The following HHIPL1 variants were observed in gnomAD, a reference collection of about 807,000 sequenced individuals.
HHIPL1 encodes HHIP-like protein 1.
HHIPL1 carries 43 observed loss-of-function variants against 61.8 expected under a neutral mutation model. The ratio of observed to expected loss-of-function variants is 0.70; its 90% CI spans 0.55 to 0.90. The LOEUF is 0.90. Among genes scored for constraint, HHIPL1 ranks in the 40% least tolerant of loss-of-function variants. HHIPL1 has a pLI of 0.00. For synonymous variants in HHIPL1, 482 were observed against 515.8 expected, an observed-to-expected ratio of 0.93 and a Z score of 0.89; for missense variants, 1,056 against 1,157.7, an observed-to-expected ratio of 0.91 and a Z score of 1.28.
chr14:99,614,664 G>A, the HHIPL1 span, among the ~76,000 whole-genome samples: 3 of 152,160 alleles, frequency 2.0e-5, no homozygotes, highest in African/African-American at 4.8e-5. Context: ...CACTCCCATT[G>A]CTGTGGGGTA....
chr14:99,658,376 G>C (rs1299200748), intron 3 of HHIPL1, among the ~76,000 whole-genome samples: 1 of 152,178 alleles, frequency 6.6e-6, no homozygotes, highest in East Asian at 1.9e-4. Flanking sequence ...AGGAATTTAC[G>C]GGGGAAAGTA....
At chr14:99,671,890 AGAGAGACCCTCCTCAAAG>A (rs2056329921) in intron 7 of HHIPL1, among the ~76,000 whole-genome samples, 1 of 152,160 alleles carries the variant, frequency 6.6e-6, no homozygotes, top group Non-Finnish European at 1.5e-5. Flanking sequence ...AGAGGGGCAG[AGAGAGACCCTCCTCAAAG>A]GCTGTAGGGC....
At chr14:99,655,420 G>A (rs112291090) in intron 2 of HHIPL1, among the ~76,000 whole-genome samples, 69 of 152,242 alleles carry the variant, frequency 4.5e-4, no homozygotes, top group African/African-American at 1.7e-3. Flanking sequence ...ACAGGAGTTC[G>A]AGACCAGCCT....
intron 1 of HHIPL1, among the ~76,000 whole-genome samples, chr14:99,646,904 C>G (rs1566804912): frequency 6.6e-6 from 1 of 151,184 alleles, no homozygotes; most frequent in Non-Finnish European, 1.5e-5. Flanking sequence ...AAACCTTAAC[C>G]ACCCCCCTGG....
upstream of HHIPL1, among the ~76,000 whole-genome samples, chr14:99,640,695 A>G (rs2055738930): frequency 6.6e-6 from 1 of 152,128 alleles, no homozygotes; most frequent in African/African-American, 2.4e-5. Context: ...ACCTTCAAAT[A>G]ACACTATACC....
At chr14:99,636,666 G>A in the HHIPL1 span, among the ~76,000 whole-genome samples, 3 of 152,050 alleles carry the variant, frequency 2.0e-5, no homozygotes, top group South Asian at 6.2e-4. Context: ...ACCAGATGGA[G>A]GGGAAAGAAG....
Position 99,675,285 on chromosome 14 carries a change from G to A in HHIPL1, c.2008G>A (p.Asp670Asn). Residue 670 changes from aspartate to asparagine, a missense_variant, in exon 9 of 9, where the codon GAT (aspartate) becomes AAT (asparagine). Physicochemically the swap from Asp to Asn is conservative, Grantham distance 23. Coordinates refer to ENST00000330710, the MANE Select transcript of HHIPL1 (RefSeq NM_001127258.3). This position sits in a 1 kb window ranked among gnomAD's most constrained non-coding sequence, Gnocchi z 5.4. The stretch of plus-strand genomic sequence containing the variant: ...GAACTCGGCGAGCCGGGCGTTCCGG[G>A]ATGGCGAGGTGCGCCTGGTGCGGCC... ...RLNSASRAFR[D>N]GEVRLVRPAG... is the part of the protein sequence containing the mutation. The A allele has an allele frequency of 7.8e-7, 1 of 1,273,934 alleles. No homozygotes were observed. The highest frequency in any genetic ancestry group is 1.5e-5 in the African/African-American group (1 of 64,580). The allele number at this position is 1,273,934 out of a possible 1,614,324, so 78.9% of individuals were successfully genotyped here.
At chr14:99,620,811 G>A in the HHIPL1 span, among the ~76,000 whole-genome samples, 1 of 152,234 alleles carries the variant, frequency 6.6e-6, no homozygotes, top group Non-Finnish European at 1.5e-5. Context: ...CATCTCTGGA[G>A]CACTCTAGCC....
the HHIPL1 span, among the ~76,000 whole-genome samples, chr14:99,626,234 C>T: frequency 8.6e-3 from 1,313 of 151,858 alleles, 22 homozygotes; most frequent in African/African-American, 0.031. Context: ...TGCTTGCTGG[C>T]CATGGGGATA....
At position 99,652,243 on chromosome 14, in the gene HHIPL1, C is replaced by G; in HGVS notation, c.275C>G (p.Ala92Gly). The part of the protein sequence containing the change: ...LLCQECSPYA[A>G]HLYDAEDPFT... ...CTGCAGGAATGCTCGCCGTATGCAG[C>G]CCACCTCTATGACGCCGAGGACCCA... The change falls in exon 2 of 9, where the codon GCC (alanine) becomes GGC (glycine). Residue 92 changes from alanine (A) to glycine (G), a missense_variant. Physicochemically the swap from Ala to Gly is moderately conservative, Grantham distance 60 (BLOSUM62 0). Transcript: ENST00000330710. 2.5e-6 allele frequency: 4 copies of G among 1,605,864 alleles called. No individual in the cohort carries two copies. The highest frequency in any genetic ancestry group is 3.4e-6 in the Non-Finnish European group (4 of 1,175,142).
chr14:99,639,925 G>T, the HHIPL1 span, among the ~76,000 whole-genome samples: 1 of 152,320 alleles, frequency 6.6e-6, no homozygotes, highest in African/African-American at 2.4e-5. Flanking sequence ...CTCCCAAAGT[G>T]CTAGGATTAC....
chr14:99,668,296 G>A lies in HHIPL1; in HGVS notation c.1723G>A (p.Ala575Thr), dbSNP rs762698095. 3.2e-5 allele frequency: 51 copies of A among 1,602,560 alleles called. No homozygotes were observed. The highest frequency in any genetic ancestry group is 1.5e-4 in the Admixed American group (9 of 59,978). Residue 575 changes from alanine (A) to threonine (T), a missense_variant, in exon 7 of 9, where the codon GCA becomes ACA. Ala to Thr is a moderately conservative substitution (Grantham distance 58, BLOSUM62 0). Coordinates refer to ENST00000330710, the MANE Select transcript of HHIPL1 (RefSeq NM_001127258.3). This position sits in a 1 kb window ranked among gnomAD's most constrained non-coding sequence, Gnocchi z 4.7. The stretch of plus-strand genomic sequence containing the variant: ...CGGAGTTGTCTACAAAATAATTGAC[G>A]CATCCAGGTGAGTCCCAGCCTCCAG... ...PRGVVYKIID[A>T]SRRAPPGKCQ...
upstream of HHIPL1, among the ~76,000 whole-genome samples, chr14:99,644,930 A>C (rs532125370): frequency 3.3e-5 from 5 of 152,296 alleles, no homozygotes; most frequent in East Asian, 9.7e-4. Context: ...CCCAGGCGGA[A>C]CCGGGAAAAC....
intron 3 of HHIPL1, among the ~76,000 whole-genome samples, chr14:99,658,333 C>T (rs2140071551): frequency 6.6e-6 from 1 of 152,232 alleles, no homozygotes; most frequent in Admixed American, 6.5e-5. Context: ...GGGGTGTGAT[C>T]TGGATGGTGT....
the HHIPL1 span, among the ~76,000 whole-genome samples, chr14:99,611,598 T>TG: frequency 1.4e-5 from 2 of 146,326 alleles, no homozygotes; most frequent in Admixed American, 1.4e-4. Context: ...TTTTTTTTTT[T>TG]TTTTTTTTAA....
chr14:99,615,034 T>C, the HHIPL1 span, among the ~76,000 whole-genome samples: 1 of 151,984 alleles, frequency 6.6e-6, no homozygotes, highest in African/African-American at 2.4e-5. Flanking sequence ...CCATGGTGCG[T>C]AGAGTGCGGA....
chr14:99,624,372 T>C, the HHIPL1 span, among the ~76,000 whole-genome samples: 1 of 152,188 alleles, frequency 6.6e-6, no homozygotes, highest in Non-Finnish European at 1.5e-5. Context: ...GCAGCAGCAC[T>C]GACCCCACAG....
chr14:99,615,003 A>G, the HHIPL1 span, among the ~76,000 whole-genome samples: 2 of 152,152 alleles, frequency 1.3e-5, no homozygotes, highest in African/African-American at 4.8e-5. Context: ...TCACAACACC[A>G]GGGTTGAGAA....
upstream of HHIPL1, among the ~76,000 whole-genome samples, chr14:99,641,778 T>A (rs1009607022): frequency 4.6e-5 from 7 of 152,154 alleles, no homozygotes; most frequent in Non-Finnish European, 8.8e-5. Flanking sequence ...TAAGGTATTT[T>A]TCCCCCTCTG....
Sources: allele counts gnomAD v4.1 joint callset (sites outside exome capture counted in the v4.1 genomes callset), GRCh38; gene constraint gnomAD v4.1.1; non-coding constraint Gnocchi (gnomAD v3.1); transcripts MANE v1.5; gene names NCBI Gene and HGNC (gene_info 2026-07-23, HGNC 2026-07-21).